Variants in ENAH observed in about 807,000 individuals in gnomAD.
The protein encoded by ENAH is ENAH actin regulator.
A neutral mutation model predicts 78.7 loss-of-function variants in ENAH; 23 were observed. That is an observed-to-expected ratio of 0.29 (90% confidence interval 0.21 to 0.41). ENAH has a LOEUF of 0.41. ENAH is among the 10% of genes least tolerant of loss of function. The probability of loss-of-function intolerance (pLI) is 1.00; values close to 1 mark genes in which losing one functional copy is unlikely to be tolerated. For missense variants in ENAH, 544 were observed against 691.0 expected (o/e 0.79, Z 2.39); for synonymous variants, 226 against 241.0 (o/e 0.94, Z 0.58).
chr1:225,567,531 A>G, intron 1 of ENAH, 117 bp from the exon 2 acceptor site: 1 of 1,018,056 alleles, frequency 9.8e-7, no homozygotes, highest in Non-Finnish European at 1.4e-6. Flanking sequence ...TGGGTGCTGG[A>G]AACAATAATG....
intron 1 of ENAH, among the ~76,000 whole-genome samples, chr1:225,593,566 C>A (rs1345180538): frequency 2.0e-5 from 3 of 152,064 alleles, no homozygotes; most frequent in African/African-American, 7.2e-5. Context: ...GTTGACACTA[C>A]CAACAGAACA....
rs896539982 is a variant in ENAH, at chr1:225,492,965, C to T, written c.*4810G>A. ...TGTGTCTCCTCACCAAAAGATTTTA[C>T]TCTTATGTGACTTGACCATTAGTAT... is the stretch of plus-strand genomic sequence containing the variant. On this transcript the variant is annotated 3_prime_UTR_variant, in exon 14 of 14. Transcript: ENST00000366843. The T allele has an allele frequency of 1.3e-5, 2 of 152,170 alleles. No homozygotes were observed. Among genetic ancestry groups the T allele is most frequent in the Non-Finnish European group, 2.9e-5 (2 of 68,026 alleles). The allele number at this position is 152,170 out of a possible 1,614,324, so 9.4% of individuals were successfully genotyped here.
chr1:225,632,624 A>T (rs1041535320), intron 1 of ENAH, among the ~76,000 whole-genome samples: 3 of 152,236 alleles, frequency 2.0e-5, no homozygotes, highest in African/African-American at 7.2e-5. Flanking sequence ...AAAGCACATT[A>T]TATTTGCAAG....
intron 3 of ENAH, among the ~76,000 whole-genome samples, chr1:225,532,800 G>C (rs1468913629): frequency 6.6e-6 from 1 of 151,976 alleles, no homozygotes; most frequent in Non-Finnish European, 1.5e-5. Flanking sequence ...GTAATATTTT[G>C]TGGCTGTTAT....
intron 1 of ENAH, among the ~76,000 whole-genome samples, chr1:225,623,864 C>T (rs540452184): frequency 6.6e-6 from 1 of 152,144 alleles, no homozygotes; most frequent in Non-Finnish European, 1.5e-5. Flanking sequence ...GCTGGGATTA[C>T]AGGCGTAAGC....
At chr1:225,584,368 G>A (rs1332316659) in intron 1 of ENAH, among the ~76,000 whole-genome samples, 2 of 152,022 alleles carry the variant, frequency 1.3e-5, no homozygotes. Flanking sequence ...AATGGTAAAA[G>A]TGAAAGCAAT....
intron 1 of ENAH, among the ~76,000 whole-genome samples, chr1:225,600,652 G>A (rs1331982409): frequency 6.6e-6 from 1 of 151,084 alleles, no homozygotes; most frequent in Non-Finnish European, 1.5e-5. Flanking sequence ...GAGCCCAAGG[G>A]TTCAAGACCA....
At chr1:225,548,686 G>A (rs1310436514) in intron 3 of ENAH, among the ~76,000 whole-genome samples, 8 of 152,186 alleles carry the variant, frequency 5.3e-5, no homozygotes, top group Non-Finnish European at 2.9e-5. Flanking sequence ...TGGAAATTGG[G>A]AGTGACAACA....
chr1:225,508,204 G>A (rs1206933695), intron 10 of ENAH, among the ~76,000 whole-genome samples, 187 bp from the exon 11 acceptor site: 3 of 152,048 alleles, frequency 2.0e-5, no homozygotes, highest in Non-Finnish European at 4.4e-5. Context: ...ACCTTAAAAT[G>A]AGAAGAAATT....
At chr1:225,614,111 T>A (rs1575725624) in intron 1 of ENAH, among the ~76,000 whole-genome samples, 1 of 151,348 alleles carries the variant, frequency 6.6e-6, no homozygotes, top group South Asian at 2.1e-4. Context: ...CAGGCTGGAG[T>A]GCAATGGCAC....
chr1:225,630,762 T>G (rs556381184), intron 1 of ENAH, among the ~76,000 whole-genome samples: 1 of 152,232 alleles, frequency 6.6e-6, no homozygotes, highest in East Asian at 1.9e-4. Context: ...TTTGGGTTCA[T>G]GTTTTTCATA....
upstream of ENAH, among the ~76,000 whole-genome samples, chr1:225,653,449 T>G (rs1228270424): frequency 2.1e-5 from 3 of 141,248 alleles, no homozygotes; most frequent in East Asian, 4.8e-4. The surrounding 1 kb of genome is among the most constrained non-coding windows in gnomAD (Gnocchi z 4.3). Flanking sequence ...CGGCCAGTTG[T>G]CGGCCGGGGT....
rs397983036 is a variant in ENAH, at chr1:225,552,134, C to CTTTTTTT, written c.349+2765_349+2771dup. 1.1e-3 allele frequency among the ~76,000 whole-genome samples: 124 copies of CTTTTTTT among 115,934 alleles called. 4 individuals are homozygous for CTTTTTTT. Among genetic ancestry groups the CTTTTTTT allele is most frequent in the South Asian group, 2.9e-3 (10 of 3,422 alleles). The allele number at this position is 115,934 out of a possible 152,430, so 76.1% of individuals were successfully genotyped here. A position where few individuals can be genotyped will look rare whatever the true frequency, so the allele number is the denominator to read the frequency against. On this transcript the variant is annotated intron_variant, in intron 3 of 13. Transcript: ENST00000366843. ...TCTATTCCCAAGAACACTCCTGATT[C>CTTTTTTT]TTTTTTTTTTTTTTTTTTTTGAGAC... is the stretch of plus-strand genomic sequence containing the variant.
chr1:225,531,250 A>T (rs958315143), intron 3 of ENAH, among the ~76,000 whole-genome samples: 1 of 152,098 alleles, frequency 6.6e-6, no homozygotes, highest in African/African-American at 2.4e-5. Context: ...TGAATTTTTA[A>T]TGTAACAGGT....
intron 1 of ENAH, among the ~76,000 whole-genome samples, chr1:225,584,373 A>T (rs1258244613): frequency 6.6e-6 from 1 of 152,224 alleles, no homozygotes; most frequent in Non-Finnish European, 1.5e-5. Flanking sequence ...TAAAAGTGAA[A>T]GCAATAACTA....
At chr1:225,621,057 C>T (rs561911619) in intron 1 of ENAH, among the ~76,000 whole-genome samples, 1 of 152,210 alleles carries the variant, frequency 6.6e-6, no homozygotes, top group African/African-American at 2.4e-5. Flanking sequence ...TGAAAGCCTC[C>T]TTCCTTATGG....
chr1:225,622,241 T>C (rs548771491), intron 1 of ENAH, among the ~76,000 whole-genome samples: 2 of 152,304 alleles, frequency 1.3e-5, no homozygotes, highest in African/African-American at 4.8e-5. Context: ...GTGATGGATA[T>C]GTTTGCTATC....
chr1:225,569,385 T>G (rs1445012224), intron 1 of ENAH, among the ~76,000 whole-genome samples: 1 of 152,114 alleles, frequency 6.6e-6, no homozygotes, highest in African/African-American at 2.4e-5. Context: ...AATGACGAGT[T>G]GATGGGTGCA....
chr1:225,650,714 G>T, intron 1 of ENAH, among the ~76,000 whole-genome samples: 1 of 151,636 alleles, frequency 6.6e-6, no homozygotes, highest in Non-Finnish European at 1.5e-5. Context: ...GCCGGGCGTG[G>T]TGATACCCGC....
Sources: allele counts gnomAD v4.1 joint callset (sites outside exome capture counted in the v4.1 genomes callset), GRCh38; gene constraint gnomAD v4.1.1; non-coding constraint Gnocchi (gnomAD v3.1); transcripts MANE v1.5; gene names NCBI Gene and HGNC (gene_info 2026-07-23, HGNC 2026-07-21).